Variants in SEL1L3 observed in about 807,000 individuals in gnomAD.
SEL1L3 encodes the protein SEL1L family member 3.
A neutral mutation model predicts 142.8 loss-of-function variants in SEL1L3; 76 were observed. The ratio of observed to expected loss-of-function variants is 0.53; its 90% CI spans 0.44 to 0.64. The LOEUF (loss-of-function observed/expected upper bound fraction) is 0.64. Among genes scored for constraint, SEL1L3 ranks in the 30% least tolerant of loss-of-function variants. SEL1L3 has a pLI of 0.00. For missense variants in SEL1L3, 1,262 were observed against 1,381.7 expected (o/e 0.91, Z 1.37); for synonymous variants, 504 against 519.6 (o/e 0.97, Z 0.41).
intron 15 of SEL1L3, among the ~76,000 whole-genome samples, chr4:25,780,265 G>A (rs188225370): frequency 2.0e-5 from 3 of 151,912 alleles, no homozygotes; most frequent in African/African-American, 7.3e-5. Flanking sequence ...CCCTGGTCTC[G>A]CCCACTGCCC....
intron 15 of SEL1L3, among the ~76,000 whole-genome samples, chr4:25,780,135 T>C (rs1719896914): frequency 6.6e-6 from 1 of 152,088 alleles, no homozygotes; most frequent in Admixed American, 6.6e-5. Context: ...CCAAACACCT[T>C]GGAGTCACCC....
intron 2 of SEL1L3, among the ~76,000 whole-genome samples, chr4:25,846,685 G>C (rs1165032644): frequency 6.6e-6 from 1 of 152,106 alleles, no homozygotes; most frequent in Non-Finnish European, 1.5e-5. Flanking sequence ...AAGGCAGGCA[G>C]ATCGCCTGAG....
intron 17 of SEL1L3, among the ~76,000 whole-genome samples, chr4:25,773,076 C>T (rs1031626503): frequency 9.2e-5 from 14 of 152,124 alleles, no homozygotes; most frequent in Admixed American, 2.6e-4. Flanking sequence ...GGATTACAGG[C>T]GTGCACCACC....
chr4:25,836,954 T>A (rs952665319), intron 2 of SEL1L3, among the ~76,000 whole-genome samples: 1 of 152,136 alleles, frequency 6.6e-6, no homozygotes, highest in Non-Finnish European at 1.5e-5. Flanking sequence ...TGTATTTTAA[T>A]AAGATTAAAT....
chr4:25,793,257 G>A (rs1365849813), intron 11 of SEL1L3, among the ~76,000 whole-genome samples: 4 of 152,116 alleles, frequency 2.6e-5, no homozygotes, highest in African/African-American at 9.7e-5. Flanking sequence ...GGGTGGTGAC[G>A]TAAATGGTGA....
In SEL1L3 at chr4:25,782,399, T is replaced by C. The variant is rs1268960172; in HGVS notation, c.2300A>G (p.Asn767Ser). 1.2e-6 allele frequency: 2 copies of C among 1,613,566 alleles called. No homozygotes were observed. Among genetic ancestry groups the C allele is most frequent in the Non-Finnish European group, 8.5e-7 (1 of 1,179,712 alleles). The change falls in exon 15 of 24, where the codon AAT (asparagine) becomes AGT (serine). Residue 767 changes from asparagine (N) to serine (S), a missense_variant. Physicochemically the swap from Asn to Ser is conservative, Grantham distance 46. Transcript: ENST00000399878. ...AASKGLHQAV[N>S]GLGWYYHKFK... ...TTTGTGGTAATACCATCCCAGGCCA[T>C]TGACTGCCTGATGCAATCCCTGAAT... is the stretch of plus-strand genomic sequence containing the variant.
intron 11 of SEL1L3, among the ~76,000 whole-genome samples, chr4:25,795,428 T>G (rs565590762): frequency 6.6e-5 from 10 of 152,226 alleles, no homozygotes; most frequent in Admixed American, 5.2e-4. Flanking sequence ...CTAAGAGAAT[T>G]TTATGCTTTA....
At position 25,852,607 on chromosome 4, in the gene SEL1L3, C is replaced by T. The variant is rs537432451; in HGVS notation, c.163-4743G>A. On this transcript the variant is annotated intron_variant, in intron 1 of 23. Coordinates refer to ENST00000399878, the MANE Select transcript of SEL1L3 (RefSeq NM_015187.5). ...CACGCCTTATTCCAAAGCAATGCCC[C>T]GAATGTTTCCCTCACTAATCCCACA... 3.9e-5 allele frequency among the ~76,000 whole-genome samples: 6 copies of T among 152,262 alleles called. No homozygotes were observed. In the East Asian group the frequency reaches 7.7e-4, roughly 20 times the overall value.
Position 25,847,591 on chromosome 4 carries a change from C to T in SEL1L3, c.436G>A (p.Val146Ile), listed in dbSNP as rs767652529. The T allele has an allele frequency of 4.3e-6, 7 of 1,613,944 alleles. No homozygotes were observed. Among genetic ancestry groups the T allele is most frequent in the Non-Finnish European group, 5.9e-6 (7 of 1,179,868 alleles). Residue 146 changes from valine (V) to isoleucine (I), a missense_variant, in exon 2 of 24, where the codon GTA becomes ATA. By Grantham distance (29) the Val-to-Ile change is conservative. Coordinates refer to ENST00000399878, the MANE Select transcript of SEL1L3 (RefSeq NM_015187.5). Reference protein sequence around the residue: ...KHLHTSRTQIVHVKFPSIMVY... With the variant: ...KHLHTSRTQIIHVKFPSIMVY... ...ATAATGCTTGGAAATTTCACATGTACTATTTGTGTCCTGCTGGTGTGAAGA... is the reference window on the plus strand; with the variant it reads ...ATAATGCTTGGAAATTTCACATGTATTATTTGTGTCCTGCTGGTGTGAAGA...
chr4:25,732,804 C>G, the SEL1L3 span, among the ~76,000 whole-genome samples: 1 of 152,062 alleles, frequency 6.6e-6, no homozygotes, highest in African/African-American at 2.4e-5. Context: ...GTGGTGCCAC[C>G]TTGACTCACT....
the SEL1L3 span, among the ~76,000 whole-genome samples, chr4:25,714,484 CTTTCTCTTTCTTTCTTTT>C: frequency 4.5e-4 from 55 of 121,258 alleles, no homozygotes; most frequent in African/African-American, 2.1e-3. Context: ...TGCTTTCTTT[CTTTCTCTTTCTTTCTTTT>C]TCTTTCTTTC....
At chr4:25,769,909 C>T (rs1719033185) in intron 17 of SEL1L3, among the ~76,000 whole-genome samples, 1 of 152,156 alleles carries the variant, frequency 6.6e-6, no homozygotes, top group African/African-American at 2.4e-5. Flanking sequence ...GGGAAGATCG[C>T]TTGAGCTCTG....
chr4:25,725,646 T>A, the SEL1L3 span, among the ~76,000 whole-genome samples: 1 of 152,108 alleles, frequency 6.6e-6, no homozygotes, highest in African/African-American at 2.4e-5. Context: ...ATTTCCTGAT[T>A]ATACGCTAAA....
At chr4:25,818,567 T>C (rs182437743) in intron 8 of SEL1L3, among the ~76,000 whole-genome samples, 3 of 152,246 alleles carry the variant, frequency 2.0e-5, no homozygotes, top group African/African-American at 7.2e-5. Context: ...AGGCCATTTT[T>C]TGGCATGTGA....
At chr4:25,756,133 G>C (rs2109117273) in intron 23 of SEL1L3, 1 of 985,406 alleles carries the variant, frequency 1.0e-6, no homozygotes, top group Non-Finnish European at 1.2e-6. Flanking sequence ...ATCTGCTACA[G>C]AAATAACAGC....
chr4:25,724,772 G>T, the SEL1L3 span, among the ~76,000 whole-genome samples: 1 of 42,782 alleles, frequency 2.3e-5, no homozygotes, highest in Non-Finnish European at 4.4e-5. Context: ...AAAAAAAAAA[G>T]GAAAAGAAAT....
chr4:25,726,388 C>T, the SEL1L3 span, among the ~76,000 whole-genome samples: 2 of 151,898 alleles, frequency 1.3e-5, no homozygotes, highest in Non-Finnish European at 2.9e-5. Context: ...ATTAGCTGTG[C>T]GTGGTGGTGT....
downstream of SEL1L3, among the ~76,000 whole-genome samples, chr4:25,746,432 C>G (rs1164794035): frequency 6.8e-6 from 1 of 147,718 alleles, no homozygotes; most frequent in Non-Finnish European, 1.5e-5. Context: ...GCACCAGAAC[C>G]TAGGAGGGGG....
At chr4:25,821,894 G>T in intron 7 of SEL1L3, 102 bp downstream of exon 7, 1 of 1,205,772 alleles carries the variant, frequency 8.3e-7, no homozygotes, top group Admixed American at 2.8e-5. Flanking sequence ...GGCGATGCAT[G>T]GTCTGGCTTG....
Sources: gnomAD v4.1 joint callset for allele counts (sites outside exome capture counted in the v4.1 genomes callset) on GRCh38, gnomAD v4.1.1 for gene constraint, MANE v1.5 for transcripts, NCBI Gene and HGNC (gene_info 2026-07-23, HGNC 2026-07-21) for gene names.